Variants in SOS1 observed in about 807,000 individuals in gnomAD.
SOS1 encodes son of sevenless homolog 1.
Under a neutral mutation model 157.6 loss-of-function variants are expected in SOS1, and 25 were observed. The ratio of observed to expected loss-of-function variants is 0.16; its 90% CI spans 0.12 to 0.22. SOS1 has a LOEUF of 0.22. Among genes scored for constraint, SOS1 ranks in the 10% least tolerant of loss-of-function variants. The pLI is 1.00. For missense variants in SOS1, 1,237 were observed against 1,599.1 expected, an observed-to-expected ratio of 0.77 and a Z score of 3.86; for synonymous variants, 528 against 534.0, an observed-to-expected ratio of 0.99 and a Z score of 0.16.
chr2:39,082,378 T>A (rs1377521527), intron 1 of SOS1, among the ~76,000 whole-genome samples: 1 of 152,212 alleles, frequency 6.6e-6, no homozygotes, highest in Non-Finnish European at 1.5e-5. Flanking sequence ...AGAACTTACA[T>A]CACTTGCTCT....
intron 13 of SOS1, among the ~76,000 whole-genome samples, 197 bp downstream of exon 13, chr2:39,013,263 A>G (rs1274938738): frequency 6.6e-6 from 1 of 152,164 alleles, no homozygotes; most frequent in Admixed American, 6.6e-5. Flanking sequence ...AAATGAAAAT[A>G]CATTGGATCA....
rs575941875 is a variant in SOS1, at chr2:39,081,844, AAATTAAT to A, written c.88-14098_88-14092del. Among the ~76,000 whole-genome samples, 41 of 152,324 alleles carry A rather than the reference AAATTAAT, an allele frequency of 2.7e-4. 1 individual carries two copies. The East Asian group carries it at 6.5e-3, about 24-fold the overall frequency. On this transcript the variant is annotated intron_variant, in intron 1 of 22. Transcript: ENST00000402219. ...AAAAAAAAGAATGTTCATAGTTATTAAATTAATAAATATTGGTAAATATTTTTATAAA... is the reference window on the plus strand; with the variant it reads ...AAAAAAAAGAATGTTCATAGTTATTAAAATATTGGTAAATATTTTTATAAA...
chr2:39,010,929 CTTG>C (rs1030526021), intron 14 of SOS1, among the ~76,000 whole-genome samples: 1 of 143,096 alleles, frequency 7.0e-6, no homozygotes, highest in Non-Finnish European at 1.5e-5. Context: ...GAGTTCCACT[CTTG>C]TTGTGCAGGC....
intron 17 of SOS1, among the ~76,000 whole-genome samples, chr2:38,999,766 A>C (rs1046593330): frequency 5.3e-5 from 8 of 152,228 alleles, no homozygotes; most frequent in Non-Finnish European, 7.3e-5. Flanking sequence ...AGTGGTCACA[A>C]ACTGATGGCC....
intron 1 of SOS1, among the ~76,000 whole-genome samples, chr2:39,109,790 A>ATTGT (rs1673343651): frequency 6.6e-6 from 1 of 152,214 alleles, no homozygotes; most frequent in Non-Finnish European, 1.5e-5. Flanking sequence ...AATATTGCCT[A>ATTGT]GGATACTGGC....
At position 39,120,327 on chromosome 2, in the gene SOS1, G is replaced by A. The variant is rs397517179; in HGVS notation, c.87+9C>T. ...GCGGCCGGGAAGCGGGGTCCCGCGT[G>A]CTCCTCACCTTTTTCAGCGCAGGCA... is the stretch of plus-strand genomic sequence containing the variant. On this transcript the variant is annotated intron_variant, in intron 1 of 22. Transcript: ENST00000402219. 8.8e-5 allele frequency: 139 copies of A among 1,571,626 alleles called. 1 individual carries two copies. In the South Asian group the frequency reaches 1.3e-3, roughly 15 times the overall value.
chr2:39,012,061 A>T, intron 14 of SOS1, 65 bp downstream of exon 14: 2 of 1,148,830 alleles, frequency 1.7e-6, no homozygotes, highest in Non-Finnish European at 1.3e-6. Flanking sequence ...GGCAGAAATC[A>T]GTATTTCATT....
At chr2:39,014,991 T>A (rs1669586083) in intron 10 of SOS1, 145 bp from the exon 11 acceptor site, 2 of 618,920 alleles carry the variant, frequency 3.2e-6, no homozygotes, top group Non-Finnish European at 5.9e-6. Context: ...GACTTGGTAA[T>A]GCACTGCTAG....
At chr2:39,117,477 A>G (rs1387419643) in intron 1 of SOS1, among the ~76,000 whole-genome samples, 5 of 152,228 alleles carry the variant, frequency 3.3e-5, no homozygotes, top group African/African-American at 4.8e-5. Context: ...CAGGAAAAGT[A>G]GCAGTCCGGA....
intron 2 of SOS1, among the ~76,000 whole-genome samples, chr2:39,066,770 T>C (rs538436979): frequency 1.3e-5 from 2 of 152,308 alleles, no homozygotes; most frequent in East Asian, 3.9e-4. Context: ...TGGGAAATAA[T>C]TCACTTACCA....
chr2:39,105,254 A>G (rs1673124721), intron 1 of SOS1, among the ~76,000 whole-genome samples: 1 of 152,124 alleles, frequency 6.6e-6, no homozygotes, highest in African/African-American at 2.4e-5. Context: ...AAATTCTGTC[A>G]AGACTTGTTT....
chr2:39,082,222 C>G (rs897028839), intron 1 of SOS1, among the ~76,000 whole-genome samples: 2 of 152,098 alleles, frequency 1.3e-5, no homozygotes, highest in South Asian at 4.1e-4. Context: ...ATCTTTAAGA[C>G]TAATTGGAAA....
rs1572797321 is a variant in SOS1, at chr2:38,987,355, A to G, written c.3510+118T>C. On this transcript the variant is annotated intron_variant, in intron 22 of 22. Transcript: ENST00000402219. ...TCTATATGTAATCCTTGTTTAAACT[A>G]TTAAGCCTGTATACTCTGAAATGTT... 3 of 702,122 alleles carry G rather than the reference A, an allele frequency of 4.3e-6. No homozygotes were observed. The African/African-American group carries it at 5.3e-5, about 12-fold the overall frequency. The allele number at this position is 702,122 out of a possible 1,614,324, so 43.5% of individuals were successfully genotyped here. A position where few individuals can be genotyped will look rare whatever the true frequency, so the allele number is the denominator to read the frequency against.
At chr2:39,086,591 C>G (rs1298457120) in intron 1 of SOS1, among the ~76,000 whole-genome samples, 3 of 152,172 alleles carry the variant, frequency 2.0e-5, no homozygotes, top group African/African-American at 7.2e-5. Context: ...TATTAAATCA[C>G]TATAAAATAA....
At chr2:39,068,840 G>A (rs2148143277) in intron 1 of SOS1, among the ~76,000 whole-genome samples, 1 of 152,000 alleles carries the variant, frequency 6.6e-6, no homozygotes, top group African/African-American at 2.4e-5. Flanking sequence ...GCATCCCTTT[G>A]TTCCTCCCTA....
chr2:39,011,550 ATCTCATTT>A lies in SOS1; in HGVS notation c.2390+568_2390+575del, dbSNP rs1177349213. 5.6e-4 allele frequency among the ~76,000 whole-genome samples: 86 copies of A among 152,300 alleles called. 1 individual carries two copies. Among genetic ancestry groups the A allele is most frequent in the African/African-American group, 2.0e-3 (84 of 41,572 alleles). On this transcript the variant is annotated intron_variant, in intron 14 of 22. Transcript: ENST00000402219. ...TTTTCAGTGGGAGATCTATAAATTT[ATCTCATTT>A]TCTCATTTAGTTATTAAAAAGTGAA...
chr2:39,070,595 C>T (rs189906571), intron 1 of SOS1, among the ~76,000 whole-genome samples: 2 of 152,266 alleles, frequency 1.3e-5, no homozygotes, highest in East Asian at 1.9e-4. Context: ...TAGACCCAAA[C>T]TTCAAATTAC....
At chr2:38,989,355 T>C (rs768635906) in intron 20 of SOS1, 41 bp from the exon 21 acceptor site, 49 of 1,379,754 alleles carry the variant, frequency 3.6e-5, no homozygotes, top group South Asian at 1.4e-4. Context: ...TTTTCTTTCA[T>C]TGATATATTC....
chr2:39,027,958 G>A (rs1158611338), intron 8 of SOS1, among the ~76,000 whole-genome samples: 1 of 151,850 alleles, frequency 6.6e-6, no homozygotes, highest in Non-Finnish European at 1.5e-5. Flanking sequence ...AGCCTCCAGA[G>A]TAGCTGGGAT....
Sources: gnomAD v4.1 joint callset for allele counts (sites outside exome capture counted in the v4.1 genomes callset) on GRCh38, gnomAD v4.1.1 for gene constraint, MANE v1.5 for transcripts, NCBI Gene and HGNC (gene_info 2026-07-23, HGNC 2026-07-21) for gene names.